ZFYVE26: variants seen among roughly 807,000 people sequenced by gnomAD.
The protein encoded by ZFYVE26 is zinc finger FYVE domain-containing protein 26.
Under a neutral mutation model 276.5 loss-of-function variants are expected in ZFYVE26, and 181 were observed. That is an observed-to-expected ratio of 0.65 (90% CI 0.58 to 0.74). The LOEUF is 0.74. Ranked by LOEUF, ZFYVE26 falls within the 30% of genes least tolerant of loss-of-function variation. The probability of loss-of-function intolerance (pLI) is 0.00; values close to 1 mark genes in which losing one functional copy is unlikely to be tolerated. For missense variants in ZFYVE26, 2,821 were observed against 3,097.9 expected (o/e 0.91, Z 2.12); for synonymous variants, 1,129 against 1,203.1 (o/e 0.94, Z 1.27).
At chr14:67,789,780 G>C (rs1473755044) in intron 15 of ZFYVE26, among the ~76,000 whole-genome samples, 182 bp from the exon 16 acceptor site, 1 of 152,192 alleles carries the variant, frequency 6.6e-6, no homozygotes, top group African/African-American at 2.4e-5. Flanking sequence ...ATGAAAGGAA[G>C]ACCAAGAGAC....
rs746786734 is a variant in ZFYVE26, at chr14:67,789,383, G to C, written c.2971C>G (p.Leu991Val). The C allele has an allele frequency of 6.2e-7, 1 of 1,614,220 alleles. No homozygotes were observed. The highest frequency in any genetic ancestry group is 1.7e-5 in the Admixed American group (1 of 60,026). ...AAACGCCGTTCGGCTGTCTCCAAAA[G>C]CTGCTTGCAGGTTTTCCAGAGCTGG... ...QCQLWKTCKQ[L>V]LETAERRLNS... The change falls in exon 16 of 42, where the codon CTT becomes GTT. Residue 991 changes from leucine to valine, a missense_variant. Transcript: ENST00000347230.
chr14:67,750,862 T>C (rs2038618561), intron 41 of ZFYVE26, 190 bp downstream of exon 41: 1 of 717,202 alleles, frequency 1.4e-6, no homozygotes. Context: ...ATGCAGTCCA[T>C]GTTCACCTGC....
In ZFYVE26 at chr14:67,809,409, T is replaced by A. The variant is rs1337350964; in HGVS notation, c.274-120A>T. On this transcript the variant is annotated intron_variant, in intron 3 of 41. Transcript: ENST00000347230. Reference sequence around the variant, plus strand: ...GCTATTTCTCTAAGATGAAGCACTCTTTTTTTTTTTTTTTTTTTTTTTTTT... The same window carrying A: ...GCTATTTCTCTAAGATGAAGCACTCATTTTTTTTTTTTTTTTTTTTTTTTT... 14,377 of 115,944 alleles carry A rather than the reference T, an allele frequency of 0.12. 142 individuals carry two copies. The highest frequency in any genetic ancestry group is 0.2 in the East Asian group (1,883 of 9,542). 7.2% of individuals were successfully genotyped at this position (115,944 alleles called of 1,614,324 possible).
downstream of ZFYVE26, among the ~76,000 whole-genome samples, chr14:67,745,929 C>CAAAAA (rs61448179): frequency 7.0e-5 from 4 of 57,524 alleles, no homozygotes; most frequent in Non-Finnish European, 9.0e-5. Flanking sequence ...GACCCTGTCT[C>CAAAAA]AAAAAAAAAA....
chr14:67,786,449 C>A (rs902040872), intron 16 of ZFYVE26, among the ~76,000 whole-genome samples: 1 of 152,194 alleles, frequency 6.6e-6, no homozygotes, highest in Non-Finnish European at 1.5e-5. Context: ...CAGCTGTCAA[C>A]AACATCAGCA....
chr14:67,737,403 A>G (rs988238575), intron 13 of ZFYVE26, among the ~76,000 whole-genome samples: 5 of 152,292 alleles, frequency 3.3e-5, no homozygotes, highest in African/African-American at 1.2e-4. Flanking sequence ...GAAGCAAGGC[A>G]CATCTTCATA....
chr14:67,744,669 T>C (rs564176777), downstream of ZFYVE26, among the ~76,000 whole-genome samples: 11 of 152,286 alleles, frequency 7.2e-5, no homozygotes, highest in South Asian at 2.1e-3. Context: ...CGATGTTTCG[T>C]TTTCTGTTCT....
At chr14:67,767,364 G>C (rs2039086068) in intron 31 of ZFYVE26, among the ~76,000 whole-genome samples, 1 of 151,838 alleles carries the variant, frequency 6.6e-6, no homozygotes, top group Non-Finnish European at 1.5e-5. Flanking sequence ...TGCAATTTTG[G>C]ACACGGTGTC....
At chr14:67,813,938 T>G (rs1566901316) in intron 3 of ZFYVE26, 48 bp downstream of exon 3, 1 of 1,338,080 alleles carries the variant, frequency 7.5e-7, no homozygotes, top group African/African-American at 1.4e-5. Context: ...ACTTTCAAGT[T>G]CTTCTCAGTC....
intron 2 of ZFYVE26, chr14:67,815,424 C>A: frequency 3.2e-6 from 1 of 312,174 alleles, no homozygotes; most frequent in South Asian, 3.6e-5. Flanking sequence ...ACAATATTTT[C>A]AATCTCATAA....
In ZFYVE26 at chr14:67,777,618, A is replaced by T; in HGVS notation, c.4915T>A (p.Tyr1639Asn). 2 of 1,614,132 alleles carry T rather than the reference A, an allele frequency of 1.2e-6. No individual in the cohort carries two copies. Among genetic ancestry groups the T allele is most frequent in the Non-Finnish European group, 1.7e-6 (2 of 1,180,036 alleles). ...TGTCGGACAGCAGTCAGTTGTCCAT[A>T]GAAGTGGGTGGTGAGGTAGTTGGCC... ...FLANYLTTHF[Y>N]GQLTAVRHRE... is the part of the protein sequence containing the mutation. The change falls in exon 25 of 42, where the codon TAT (tyrosine) becomes AAT (asparagine). Residue 1639 changes from tyrosine to asparagine, a missense_variant. Physicochemically the swap from Tyr to Asn is moderately radical, Grantham distance 143. Coordinates refer to ENST00000347230, the MANE Select transcript of ZFYVE26 (RefSeq NM_015346.4).
chr14:67,816,149 G>A, intron 1 of ZFYVE26, 103 bp from the exon 2 acceptor site: 1 of 568,444 alleles, frequency 1.8e-6, no homozygotes, highest in Non-Finnish European at 3.1e-6. Context: ...GCTTGCCTAA[G>A]TATCGTTTTC....
At chr14:67,775,578 T>C (rs1379262836) in intron 26 of ZFYVE26, among the ~76,000 whole-genome samples, 1 of 152,222 alleles carries the variant, frequency 6.6e-6, no homozygotes, top group Admixed American at 6.5e-5. Context: ...GAGCCCGCTA[T>C]ATCAAGGCCA....
intron 27 of ZFYVE26, 76 bp downstream of exon 27, chr14:67,774,940 A>G: frequency 9.3e-7 from 1 of 1,077,886 alleles, no homozygotes; most frequent in Non-Finnish European, 1.4e-6. Flanking sequence ...GCAAAAAAAA[A>G]AAAAAAATTC....
At chr14:67,782,640 A>G in intron 21 of ZFYVE26, 140 bp downstream of exon 21, 1 of 1,408,228 alleles carries the variant, frequency 7.1e-7, no homozygotes, top group Non-Finnish European at 9.9e-7. Context: ...AACCCCTCTG[A>G]GACCTGGTCT....
chr14:67,803,387 G>T (rs2040115664), intron 9 of ZFYVE26, among the ~76,000 whole-genome samples: 1 of 152,068 alleles, frequency 6.6e-6, no homozygotes. Flanking sequence ...TGTCCCCCAG[G>T]CTGGAGTACA....
intron 31 of ZFYVE26, among the ~76,000 whole-genome samples, chr14:67,766,709 T>A (rs888103573): frequency 6.6e-6 from 1 of 152,184 alleles, no homozygotes; most frequent in African/African-American, 2.4e-5. Flanking sequence ...CCCACTTCTT[T>A]ATTTTTTTGA....
chr14:67,771,012 G>A (rs1393582086), intron 28 of ZFYVE26, among the ~76,000 whole-genome samples: 3 of 151,520 alleles, frequency 2.0e-5, no homozygotes, highest in Non-Finnish European at 4.4e-5. Context: ...ACATGTGCAG[G>A]TTTGTTACAT....
intron 12 of ZFYVE26, among the ~76,000 whole-genome samples, chr14:67,794,846 G>A (rs1309161915): frequency 6.6e-6 from 1 of 152,128 alleles, no homozygotes; most frequent in African/African-American, 2.4e-5. Context: ...TACCCAGGAG[G>A]TTGCGGCAGG....
Sources: gnomAD v4.1 joint callset for allele counts (sites outside exome capture counted in the v4.1 genomes callset) on GRCh38, gnomAD v4.1.1 for gene constraint, MANE v1.5 for transcripts, NCBI Gene and HGNC (gene_info 2026-07-23, HGNC 2026-07-21) for gene names.